IPCEF1: variants seen among roughly 807,000 people sequenced by gnomAD.
The protein encoded by IPCEF1 is interaction protein for cytohesin exchange factors 1.
In IPCEF1, 31 loss-of-function variants were observed where a neutral mutation model predicts 50.9. The observed-to-expected ratio is 0.61, with a 90% CI of 0.46 to 0.82. The LOEUF (loss-of-function observed/expected upper bound fraction) is 0.82, where lower values mean the gene tolerates loss of function less well. Ranked by LOEUF, IPCEF1 falls within the 40% of genes least tolerant of loss-of-function variation. IPCEF1 has a pLI of 0.00. For missense variants in IPCEF1, 458 were observed against 514.0 expected, an observed-to-expected ratio of 0.89 and a Z score of 1.05; for synonymous variants, 181 against 192.0, an observed-to-expected ratio of 0.94 and a Z score of 0.47.
intron 9 of IPCEF1, among the ~76,000 whole-genome samples, chr6:154,203,858 T>C (rs1414514646): frequency 6.6e-6 from 1 of 152,188 alleles, no homozygotes; most frequent in Non-Finnish European, 1.5e-5. Context: ...TTATTCAGCC[T>C]CTGGGGGAGG....
intron 9 of IPCEF1, 137 bp from the exon 10 acceptor site, chr6:154,200,177 A>C (rs1776948982): frequency 4.0e-6 from 3 of 757,052 alleles, no homozygotes; most frequent in African/African-American, 3.5e-5. Flanking sequence ...CAAAAGGTAA[A>C]GATATGATAT....
chr6:154,274,862 C>A (rs929713468), intron 2 of IPCEF1, among the ~76,000 whole-genome samples: 16 of 152,220 alleles, frequency 1.1e-4, no homozygotes, highest in African/African-American at 3.4e-4. Context: ...ACCAGATGCC[C>A]TGAAAAGCAC....
chr6:154,246,410 A>G (rs1181634141), intron 5 of IPCEF1, among the ~76,000 whole-genome samples, 181 bp downstream of exon 5: 1 of 152,188 alleles, frequency 6.6e-6, no homozygotes, highest in African/African-American at 2.4e-5. Flanking sequence ...TCTTCTCCAT[A>G]AAACACAGAA....
chr6:154,302,019 G>T (rs1410541672), intron 1 of IPCEF1, among the ~76,000 whole-genome samples: 1 of 152,164 alleles, frequency 6.6e-6, no homozygotes, highest in African/African-American at 2.4e-5. Context: ...TCCTTGTTGT[G>T]TGCTGGATGT....
chr6:154,193,537 T>C (rs533074530), intron 10 of IPCEF1, among the ~76,000 whole-genome samples: 1 of 152,284 alleles, frequency 6.6e-6, no homozygotes, highest in South Asian at 2.1e-4. Flanking sequence ...TACGCATCTA[T>C]CTGCATATAC....
At chr6:154,246,974 T>A in intron 4 of IPCEF1, 1 of 520,202 alleles carries the variant, frequency 1.9e-6, no homozygotes, top group Non-Finnish European at 3.2e-6. Context: ...GTTTTATTTT[T>A]AAACATTTGT....
rs1465660956 is a variant in IPCEF1, at chr6:154,246,660, T to C, written c.177A>G (p.Leu59=). ...LYKKKEKGSF[L]SNKWKKFWVI... ...CCCAGAACTTTTTCCATTTGTTGCT[T>C]AGGAAACTTCCCTTTTCCTTTTTCT... The change falls in exon 5 of 12, where the codon CTA becomes CTG. Residue 59 remains leucine (L), a synonymous_variant. Coordinates refer to ENST00000367220, the MANE Select transcript of IPCEF1 (RefSeq NM_001130700.2). The C allele has an allele frequency of 5.0e-6, 8 of 1,614,094 alleles. No individual in the cohort carries two copies. The highest frequency in any genetic ancestry group is 6.8e-6 in the Non-Finnish European group (8 of 1,179,988).
intron 2 of IPCEF1, among the ~76,000 whole-genome samples, chr6:154,287,505 G>A (rs1782393696): frequency 6.6e-6 from 1 of 152,150 alleles, no homozygotes; most frequent in Admixed American, 6.5e-5. Flanking sequence ...TAACAGATGA[G>A]GAAAGCGAAG....
intron 1 of IPCEF1, among the ~76,000 whole-genome samples, chr6:154,333,715 GTGTGTATGTATATA>G (rs1003601562): frequency 1.5e-4 from 22 of 151,346 alleles, no homozygotes; most frequent in Admixed American, 7.2e-4. Flanking sequence ...GTGTATATAT[GTGTGTATGTATATA>G]TGTGTATGTA....
chr6:154,262,367 T>G, intron 3 of IPCEF1, among the ~76,000 whole-genome samples: 1 of 152,220 alleles, frequency 6.6e-6, no homozygotes, highest in African/African-American at 2.4e-5. Context: ...GGTAATCACA[T>G]CTGTGATCTG....
intron 2 of IPCEF1, among the ~76,000 whole-genome samples, chr6:154,269,587 C>T (rs1251548930): frequency 2.0e-5 from 3 of 152,042 alleles, no homozygotes; most frequent in East Asian, 3.8e-4. Flanking sequence ...CTTCTTGCCT[C>T]GGCATCCTAA....
At chr6:154,353,685 A>G (rs1468953280) in intron 1 of IPCEF1, among the ~76,000 whole-genome samples, 1 of 152,246 alleles carries the variant, frequency 6.6e-6, no homozygotes, top group African/African-American at 2.4e-5. Flanking sequence ...AATAGAGTAC[A>G]AAGTACAAAG....
At position 154,339,239 on chromosome 6, in the gene IPCEF1, C is replaced by A. The variant is rs567829328; in HGVS notation, c.-62+17433G>T. On this transcript the variant is annotated intron_variant, in intron 1 of 11. Transcript: ENST00000367220. ...CTGAATCTCATTATTTAATTTTGAC[C>A]AATATAATTACATAAAAGTGTGTTA... Among the ~76,000 whole-genome samples the A allele has an allele frequency of 3.9e-5, 6 of 151,996 alleles. No homozygotes were observed. The East Asian group carries it at 1.2e-3, about 29-fold the overall frequency.
rs560593230 is a variant in IPCEF1, at chr6:154,180,339, AAAGGAG to A, written c.911-12232_911-12227del. ...AGCTACCTAACTAGTTAGACTCAAG[AAAGGAG>A]ACATATATATATATATACTGAGCTA... On this transcript the variant is annotated intron_variant, in intron 10 of 11. Transcript: ENST00000367220. Among the ~76,000 whole-genome samples, 861 of 131,394 alleles carry A rather than the reference AAAGGAG, an allele frequency of 6.6e-3. 12 individuals are homozygous for A. Among genetic ancestry groups the A allele is most frequent in the African/African-American group, 0.023 (835 of 36,594 alleles). 86.2% of individuals were successfully genotyped at this position (131,394 alleles called of 152,430 possible).
chr6:154,172,520 T>G (rs1799958096), intron 10 of IPCEF1, among the ~76,000 whole-genome samples: 1 of 152,194 alleles, frequency 6.6e-6, no homozygotes, highest in Non-Finnish European at 1.5e-5. Flanking sequence ...CCCACACCCA[T>G]GGAGCCTTGC....
intron 11 of IPCEF1, among the ~76,000 whole-genome samples, chr6:154,164,107 A>T (rs886124789): frequency 3.9e-4 from 59 of 152,334 alleles, no homozygotes; most frequent in African/African-American, 1.4e-3. Context: ...AAAGAGTTTT[A>T]TTTTGTTCTA....
At chr6:154,340,961 T>A (rs530321943) in intron 1 of IPCEF1, among the ~76,000 whole-genome samples, 30 of 151,916 alleles carry the variant, frequency 2.0e-4, no homozygotes, top group African/African-American at 7.2e-4. Context: ...TATATTTATA[T>A]ATCATATATA....
intron 11 of IPCEF1, among the ~76,000 whole-genome samples, chr6:154,163,429 C>T (rs572671347): frequency 3.9e-5 from 6 of 152,256 alleles, no homozygotes; most frequent in Non-Finnish European, 7.4e-5. Context: ...CATGTCCTTC[C>T]TAATTAAATA....
Position 154,288,408 on chromosome 6 carries a change from A to G in IPCEF1, c.-18+1305T>C, listed in dbSNP as rs966713756. Among the ~76,000 whole-genome samples, 33 of 152,210 alleles carry G rather than the reference A, an allele frequency of 2.2e-4. 1 individual carries two copies. Among genetic ancestry groups the G allele is most frequent in the Non-Finnish European group, 2.8e-4 (19 of 68,044 alleles). On this transcript the variant is annotated intron_variant, in intron 2 of 11. Coordinates refer to ENST00000367220, the MANE Select transcript of IPCEF1 (RefSeq NM_001130700.2). ...GCCGGGCGCGGTGGCTCACGCCTGT[A>G]ATCCCAGCACTTTGGGAGGCCGAGG...
Sources: allele counts gnomAD v4.1 joint callset (sites outside exome capture counted in the v4.1 genomes callset), GRCh38; gene constraint gnomAD v4.1.1; transcripts MANE v1.5; gene names NCBI Gene and HGNC (gene_info 2026-07-23, HGNC 2026-07-21).